Variants in RABGAP1 observed in about 807,000 individuals in gnomAD.
The protein encoded by RABGAP1 is rab GTPase-activating protein 1.
In RABGAP1, 23 loss-of-function variants were observed where a neutral mutation model predicts 137.6. The observed-to-expected ratio is 0.17, with a 90% CI of 0.12 to 0.24. The LOEUF (loss-of-function observed/expected upper bound fraction) is 0.24. Ranked by LOEUF, RABGAP1 falls within the 10% of genes least tolerant of loss-of-function variation. RABGAP1 has a pLI of 1.00. For synonymous variants in RABGAP1, 451 were observed against 450.7 expected, an observed-to-expected ratio of 1.00 and a Z score of -0.01; for missense variants, 906 against 1,275.8, an observed-to-expected ratio of 0.71 and a Z score of 4.42.
chr9:122,956,511 G>A (rs1017679914), intron 1 of RABGAP1, among the ~76,000 whole-genome samples: 1 of 152,084 alleles, frequency 6.6e-6, no homozygotes, highest in African/African-American at 2.4e-5. Context: ...TTAGCCGGGC[G>A]TGGTGGCAGG....
At chr9:123,073,935 C>G (rs2034435921) in intron 16 of RABGAP1, among the ~76,000 whole-genome samples, 1 of 152,186 alleles carries the variant, frequency 6.6e-6, no homozygotes, top group Non-Finnish European at 1.5e-5. Context: ...CCACAGCTAA[C>G]TCAGTCAAGA....
intron 3 of RABGAP1, among the ~76,000 whole-genome samples, chr9:122,985,253 T>G (rs530663576): frequency 6.6e-6 from 1 of 152,184 alleles, no homozygotes; most frequent in South Asian, 2.1e-4. Flanking sequence ...GCCAAAGGGA[T>G]TAAGAGAACA....
intron 12 of RABGAP1, among the ~76,000 whole-genome samples, chr9:123,017,592 CCT>C (rs2031327109): frequency 6.6e-6 from 1 of 152,130 alleles, no homozygotes; most frequent in African/African-American, 2.4e-5. Context: ...TCAAATTCTA[CCT>C]CTCCTACTTT....
At chr9:122,961,946 G>A (rs1834876574) in intron 2 of RABGAP1, among the ~76,000 whole-genome samples, 1 of 152,048 alleles carries the variant, frequency 6.6e-6, no homozygotes, top group Non-Finnish European at 1.5e-5. Context: ...AACCAGAAAC[G>A]ATAAATAAGA....
At chr9:122,980,961 G>A (rs1042058620) in intron 2 of RABGAP1, among the ~76,000 whole-genome samples, 1 of 152,086 alleles carries the variant, frequency 6.6e-6, no homozygotes, top group Non-Finnish European at 1.5e-5. Flanking sequence ...CGTAGTTTGC[G>A]ATTTAGATTT....
At chr9:122,947,695 G>A (rs1161216161) in intron 1 of RABGAP1, among the ~76,000 whole-genome samples, 1 of 152,126 alleles carries the variant, frequency 6.6e-6, no homozygotes, top group East Asian at 1.9e-4. Context: ...AGATAAGCTA[G>A]TTTTTCTTGC....
intron 16 of RABGAP1, 97 bp from the exon 17 acceptor site, chr9:123,074,188 T>C (rs1391271071): frequency 1.6e-5 from 23 of 1,429,094 alleles, no homozygotes; most frequent in Non-Finnish European, 2.2e-5. Flanking sequence ...CACAAGTATT[T>C]TACTTTTTTG....
At chr9:123,022,579 T>A (rs946840821) in intron 13 of RABGAP1, among the ~76,000 whole-genome samples, 4 of 151,778 alleles carry the variant, frequency 2.6e-5, no homozygotes, top group Non-Finnish European at 5.9e-5. Context: ...GCTAATTTTT[T>A]AATTTTTAGT....
Position 122,957,021 on chromosome 9 carries a change from A to T in RABGAP1, c.-39A>T, listed in dbSNP as rs1564358065. On this transcript the variant is annotated 5_prime_UTR_variant, in exon 2 of 26. Coordinates refer to ENST00000373647, the MANE Select transcript of RABGAP1 (RefSeq NM_012197.4). ...GTTTTTGTTTTTCAGGCATTAAAAA[A>T]TATTTAATCATTCATGTGTTGAGAC... 2 of 1,408,334 alleles carry T rather than the reference A, an allele frequency of 1.4e-6. No homozygotes were observed. The highest frequency in any genetic ancestry group is 2.4e-5 in the East Asian group (1 of 41,146). The allele number at this position is 1,408,334 out of a possible 1,614,324, so 87.2% of individuals were successfully genotyped here.
intron 13 of RABGAP1, among the ~76,000 whole-genome samples, chr9:123,047,564 A>G (rs2033260334): frequency 6.6e-6 from 1 of 152,180 alleles, no homozygotes; most frequent in South Asian, 2.1e-4. Context: ...TTATAGCTTT[A>G]TACTTCTAAA....
In RABGAP1 at chr9:123,083,784, G is replaced by C. The variant is rs369334595; in HGVS notation, c.2425-5974G>C. Among the ~76,000 whole-genome samples the C allele has an allele frequency of 6.6e-4, 101 of 152,296 alleles. No homozygotes were observed. In the Middle Eastern group the frequency reaches 0.014, roughly 21 times the overall value. ...ACCCCAGGGTAGGTTAACATCGCAG[G>C]GTTGTGACAGAATAAGATGATGCCT... On this transcript the variant is annotated intron_variant, in intron 19 of 25. Transcript: ENST00000373647.
intron 12 of RABGAP1, among the ~76,000 whole-genome samples, chr9:123,016,620 C>T (rs375142204): frequency 1.2e-4 from 19 of 152,128 alleles, no homozygotes; most frequent in African/African-American, 4.6e-4. Flanking sequence ...ATGCAGTTTC[C>T]TTTTCTCCTT....
At chr9:123,076,393 A>G (rs2034511104) in intron 18 of RABGAP1, 107 bp downstream of exon 18, 3 of 1,276,514 alleles carry the variant, frequency 2.4e-6, no homozygotes, top group Non-Finnish European at 3.3e-6. Flanking sequence ...AGCATTACCC[A>G]TGACAGTGGA....
At chr9:123,027,626 T>G (rs1226063377) in intron 13 of RABGAP1, among the ~76,000 whole-genome samples, 1 of 152,148 alleles carries the variant, frequency 6.6e-6, no homozygotes, top group Non-Finnish European at 1.5e-5. Context: ...TAAAAGGAGA[T>G]CGATTTAGCA....
chr9:123,058,023 G>C (rs539586036), intron 13 of RABGAP1, among the ~76,000 whole-genome samples: 1 of 145,180 alleles, frequency 6.9e-6, no homozygotes, highest in South Asian at 2.3e-4. Flanking sequence ...GCCTCGGCTC[G>C]GCATCAGAGG....
At chr9:122,937,066 G>A (rs1253720565), upstream of RABGAP1, among the ~76,000 whole-genome samples, 1 of 152,236 alleles carries the variant, frequency 6.6e-6, no homozygotes, top group African/African-American at 2.4e-5. Flanking sequence ...GAAGCCAAAT[G>A]TGGTGGCATG....
chr9:123,033,784 A>G (rs951118004), intron 13 of RABGAP1: 6 of 152,274 alleles, frequency 3.9e-5, no homozygotes, highest in African/African-American at 1.2e-4. Context: ...TTCTGTTGAA[A>G]TGTTTTCAAA....
chr9:122,979,803 C>T (rs1835953794), intron 2 of RABGAP1, among the ~76,000 whole-genome samples: 1 of 152,164 alleles, frequency 6.6e-6, no homozygotes, highest in African/African-American at 2.4e-5. Flanking sequence ...CTGTTCTGTG[C>T]CATTGATCTT....
chr9:123,071,848 A>G lies in RABGAP1; in HGVS notation c.1983+1424A>G, dbSNP rs2034366491. On this transcript the variant is annotated intron_variant, in intron 15 of 25. Coordinates refer to ENST00000373647, the MANE Select transcript of RABGAP1 (RefSeq NM_012197.4). ...GAAAGTGAATGGTACAGTATACAGA[A>G]GTCCTAAACTGGGGAAACACTTGGT... 2.0e-5 allele frequency among the ~76,000 whole-genome samples: 3 copies of G among 152,306 alleles called. No homozygotes were observed. In the South Asian group the frequency reaches 6.2e-4, roughly 32 times the overall value.
Sources: gnomAD v4.1 joint callset for allele counts (sites outside exome capture counted in the v4.1 genomes callset) on GRCh38, gnomAD v4.1.1 for gene constraint, MANE v1.5 for transcripts, NCBI Gene and HGNC (gene_info 2026-07-23, HGNC 2026-07-21) for gene names.